The following RAI1 variants were observed in gnomAD, a reference collection of about 807,000 sequenced individuals.
RAI1 encodes retinoic acid-induced protein 1.
RAI1 carries 9 observed loss-of-function variants against 123.8 expected under a neutral mutation model. That is an observed-to-expected ratio of 0.07 (90% CI 0.04 to 0.13). The LOEUF is 0.13. Ranked by LOEUF, RAI1 falls within the 10% of genes least tolerant of loss-of-function variation. RAI1 has a pLI of 1.00. For synonymous variants in RAI1, 1,231 were observed against 1,127.3 expected, an observed-to-expected ratio of 1.09 and a Z score of -1.84; for missense variants, 2,256 against 2,545.8, an observed-to-expected ratio of 0.89 and a Z score of 2.45.
rs776440167 is a variant in RAI1 at position 17,797,564 on chromosome 17, G to A, written c.4616G>A (p.Arg1539His). 2.1e-5 allele frequency: 34 copies of A among 1,613,976 alleles called. No individual in the cohort carries two copies. The highest frequency in any genetic ancestry group is 8.9e-5 in the East Asian group (4 of 44,888). The change falls in exon 3 of 6, where the codon CGC becomes CAC. Residue 1539 changes from arginine to histidine, a missense_variant. Physicochemically the swap from Arg to His is conservative, Grantham distance 29. Around this residue, in one of 7 missense-constraint regions of RAI1, gnomAD observed 410 missense variants for 374.6 expected, o/e 1.09. Transcript: ENST00000353383. ...TACAGCAGCTATTCCAAGCGGAAGCGCCTCACTCGGGGCCGGGCCAAGAAC... is the reference window on the plus strand; with the variant it reads ...TACAGCAGCTATTCCAAGCGGAAGCACCTCACTCGGGGCCGGGCCAAGAAC... The part of the protein sequence containing the change: ...TNYSSYSKRK[R>H]LTRGRAKNTT...
chr17:17,745,961 G>C (rs1305782966), intron 2 of RAI1, among the ~76,000 whole-genome samples: 1 of 152,168 alleles, frequency 6.6e-6, no homozygotes, highest in Non-Finnish European at 1.5e-5. Flanking sequence ...TACCATGGCC[G>C]GGGACAGGGA....
chr17:17,757,280 T>C (rs2030475666), intron 2 of RAI1, among the ~76,000 whole-genome samples: 1 of 152,094 alleles, frequency 6.6e-6, no homozygotes, highest in Non-Finnish European at 1.5e-5. Context: ...TCAGGAAAGA[T>C]TTCCTGAGCC....
intron 4 of RAI1, among the ~76,000 whole-genome samples, chr17:17,805,374 T>A (rs942430583): frequency 6.6e-6 from 1 of 151,876 alleles, no homozygotes; most frequent in African/African-American, 2.4e-5. Context: ...GCCTCAGTCC[T>A]ATTTTGGGTC....
intron 1 of RAI1, among the ~76,000 whole-genome samples, chr17:17,723,815 G>A (rs892527633): frequency 5.3e-5 from 8 of 150,224 alleles, no homozygotes; most frequent in African/African-American, 2.0e-4. Flanking sequence ...GAGTGGATGC[G>A]GCCACGGGGC....
Position 17,764,472 on chromosome 17 carries a change from CTT to C in RAI1, c.-16-28444_-16-28443del, listed in dbSNP as rs60189169. On this transcript the variant is annotated intron_variant, in intron 2 of 5. Transcript: ENST00000353383. ...CCTTTTCTGTCCAACTTCTTTTCCTCTTTTTTTTTTTTTTTTTTGAGACAAAA... is the reference window on the plus strand; with the variant it reads ...CCTTTTCTGTCCAACTTCTTTTCCTCTTTTTTTTTTTTTTTTGAGACAAAA... 1.9e-4 allele frequency among the ~76,000 whole-genome samples: 25 copies of C among 134,316 alleles called. No individual in the cohort carries two copies. In the South Asian group the frequency reaches 2.6e-3, roughly 14 times the overall value. The allele number at this position is 134,316 out of a possible 152,430, so 88.1% of individuals were successfully genotyped here. A position where few individuals can be genotyped will look rare whatever the true frequency, so the allele number is the denominator to read the frequency against.
At chr17:17,684,648 G>A (rs1280015626) in intron 1 of RAI1, 1 of 142,830 alleles carries the variant, frequency 7.0e-6, no homozygotes, top group Non-Finnish European at 1.5e-5. Flanking sequence ...TATCCTTCCA[G>A]ACTTTTTGTT....
At chr17:17,755,470 C>T (rs2030402095) in intron 2 of RAI1, among the ~76,000 whole-genome samples, 1 of 152,182 alleles carries the variant, frequency 6.6e-6, no homozygotes, top group African/African-American at 2.4e-5. Flanking sequence ...ACCAACTTGC[C>T]CCAGCTGGGC....
At chr17:17,700,704 C>T (rs1172633355) in intron 1 of RAI1, among the ~76,000 whole-genome samples, 7 of 152,106 alleles carry the variant, frequency 4.6e-5, no homozygotes, top group Non-Finnish European at 5.9e-5. Flanking sequence ...GGCCGCAGTC[C>T]GGCCCCTCTC....
rs537252641 is a variant in RAI1 at position 17,714,110 on chromosome 17, C to T, written c.-148-9918C>T. Among the ~76,000 whole-genome samples the T allele has an allele frequency of 6.6e-6, 1 of 152,212 alleles. No individual in the cohort carries two copies. The highest frequency in any genetic ancestry group is 2.4e-5 in the African/African-American group (1 of 41,526). The stretch of plus-strand genomic sequence containing the variant: ...TTGCTCACCACCTCCCGAGCAGCTC[C>T]CTCCTTCCATTTCTGGGCAGCCCTG... On this transcript the variant is annotated intron_variant, in intron 1 of 5. Transcript: ENST00000353383. The surrounding 1 kb of genome is among the most constrained non-coding windows in gnomAD (Gnocchi z 4.9).
intron 1 of RAI1, among the ~76,000 whole-genome samples, chr17:17,719,996 C>T (rs1212574671): frequency 6.6e-6 from 1 of 152,180 alleles, no homozygotes; most frequent in African/African-American, 2.4e-5. Context: ...TTGAATGCGA[C>T]TTCTGGGTCT....
In RAI1 at chr17:17,792,971, G is replaced by A. The variant is rs1284948039; in HGVS notation, c.23G>A (p.Cys8Tyr). The A allele has an allele frequency of 6.3e-7, 1 of 1,597,664 alleles. No individual in the cohort carries two copies. Among genetic ancestry groups the A allele is most frequent in the East Asian group, 2.3e-5 (1 of 43,764 alleles). Reference sequence around the variant, plus strand: ...GTCATGCAGTCTTTTCGAGAAAGGTGTGGTTTCCATGGCAAACAACAGAAC... The same window carrying A: ...GTCATGCAGTCTTTTCGAGAAAGGTATGGTTTCCATGGCAAACAACAGAAC... MQSFRER[C>Y]GFHGKQQNYQ... is the part of the protein sequence containing the mutation. The change falls in exon 3 of 6, where the codon TGT becomes TAT. Residue 8 changes from cysteine to tyrosine, a missense_variant. By Grantham distance (194) the Cys-to-Tyr change is radical (BLOSUM62 -2). This residue lies in a region of RAI1 where 336 missense variants were observed against 349.8 expected (regional missense o/e 0.96). Transcript: ENST00000353383.
chr17:17,721,597 TCTC>T (rs1025547167), intron 1 of RAI1, among the ~76,000 whole-genome samples: 3 of 152,094 alleles, frequency 2.0e-5, no homozygotes, highest in Non-Finnish European at 4.4e-5. Context: ...TGGGGGACTT[TCTC>T]CTCCTCATCA....
At chr17:17,721,556 G>A (rs1007650689) in intron 1 of RAI1, among the ~76,000 whole-genome samples, 2 of 152,188 alleles carry the variant, frequency 1.3e-5, no homozygotes, top group Non-Finnish European at 2.9e-5. Context: ...AGTTGGTGGG[G>A]ACCTGATTGT....
At chr17:17,741,926 A>T (rs1229062181) in intron 2 of RAI1, among the ~76,000 whole-genome samples, 1 of 152,248 alleles carries the variant, frequency 6.6e-6, no homozygotes, top group Non-Finnish European at 1.5e-5. Flanking sequence ...AGATGGGTAA[A>T]TCCGTTTTAT....
intron 2 of RAI1, among the ~76,000 whole-genome samples, chr17:17,751,338 A>G (rs1425054502): frequency 1.3e-5 from 2 of 152,130 alleles, no homozygotes; most frequent in South Asian, 4.1e-4. Context: ...AGGCTAAGAG[A>G]GCCTGGCTTC....
chr17:17,745,143 A>G (rs1176067971), intron 2 of RAI1, among the ~76,000 whole-genome samples: 3 of 152,160 alleles, frequency 2.0e-5, no homozygotes, highest in East Asian at 1.9e-4. Context: ...GGGAATGGGG[A>G]TCGGGGAACC....
At chr17:17,806,327 C>T (rs889789370) in intron 4 of RAI1, among the ~76,000 whole-genome samples, 1 of 152,168 alleles carries the variant, frequency 6.6e-6, no homozygotes, top group African/African-American at 2.4e-5. Flanking sequence ...TAGAAGGATT[C>T]CTCATATAAC....
At chr17:17,700,378 C>T (rs1178518115) in intron 1 of RAI1, among the ~76,000 whole-genome samples, 2 of 151,902 alleles carry the variant, frequency 1.3e-5, no homozygotes, top group Admixed American at 1.3e-4. Flanking sequence ...GAGCTGGAGG[C>T]GCGGCTCCCG....
chr17:17,712,484 G>A (rs542995465), intron 1 of RAI1, among the ~76,000 whole-genome samples: 2 of 152,298 alleles, frequency 1.3e-5, no homozygotes, highest in East Asian at 3.9e-4. Flanking sequence ...GGTAGCATAG[G>A]TCAAATGGCA....
Sources: gnomAD v4.1 joint callset for allele counts (sites outside exome capture counted in the v4.1 genomes callset) on GRCh38, gnomAD v4.1.1 for gene constraint, gnomAD v4.1.1 regional missense constraint, Gnocchi (gnomAD v3.1) non-coding constraint, MANE v1.5 for transcripts, NCBI Gene and HGNC (gene_info 2026-07-23, HGNC 2026-07-21) for gene names.